ATG5: variants seen among roughly 807,000 people sequenced by gnomAD.
The protein encoded by ATG5 is autophagy related 5.
A neutral mutation model predicts 36.5 loss-of-function variants in ATG5; 14 were observed. The observed-to-expected ratio is 0.38, with a 90% CI of 0.25 to 0.60. ATG5 has a LOEUF of 0.60. Among genes scored for constraint, ATG5 ranks in the 20% least tolerant of loss-of-function variants. The pLI is 0.60. For missense variants in ATG5, 195 were observed against 326.7 expected (o/e 0.60, Z 3.11); for synonymous variants, 95 against 101.5 (o/e 0.94, Z 0.38).
At chr6:106,224,591 T>C (rs1777375075) in intron 6 of ATG5, among the ~76,000 whole-genome samples, 1 of 152,128 alleles carries the variant, frequency 6.6e-6, no homozygotes, top group African/African-American at 2.4e-5. Flanking sequence ...AGACCAGAAA[T>C]ACGGCCAGGT....
chr6:106,193,629 C>A (rs1021751544), intron 7 of ATG5, among the ~76,000 whole-genome samples: 3 of 152,082 alleles, frequency 2.0e-5, no homozygotes, highest in Non-Finnish European at 2.9e-5. Context: ...AAAAATTAAA[C>A]CTTGTTCATT....
chr6:106,275,468 T>C (rs1016748639), intron 5 of ATG5, among the ~76,000 whole-genome samples: 11 of 152,086 alleles, frequency 7.2e-5, no homozygotes, highest in Non-Finnish European at 5.9e-5. Flanking sequence ...TTCATAATCA[T>C]CACAAATAAA....
At chr6:106,256,260 A>G (rs1014232828) in intron 5 of ATG5, among the ~76,000 whole-genome samples, 4 of 152,332 alleles carry the variant, frequency 2.6e-5, no homozygotes, top group South Asian at 2.1e-4. Context: ...CCACTGACAA[A>G]TAACACAAGC....
At chr6:106,193,699 C>A (rs954424223) in intron 7 of ATG5, among the ~76,000 whole-genome samples, 3 of 151,788 alleles carry the variant, frequency 2.0e-5, no homozygotes, top group African/African-American at 7.3e-5. Context: ...ATAAAATGAC[C>A]CAGTAATTCT....
chr6:106,217,384 T>A (rs931778519), intron 6 of ATG5: 3 of 152,224 alleles, frequency 2.0e-5, no homozygotes, highest in Non-Finnish European at 4.4e-5. Context: ...ATACATAATT[T>A]CATTATAAGG....
intron 5 of ATG5, among the ~76,000 whole-genome samples, chr6:106,264,032 A>C (rs1779131412): frequency 6.6e-6 from 1 of 152,194 alleles, no homozygotes; most frequent in African/African-American, 2.4e-5. Flanking sequence ...AAGGTGGGTA[A>C]TAACAAACTC....
intron 2 of ATG5, among the ~76,000 whole-genome samples, 177 bp from the exon 3 acceptor site, chr6:106,308,668 A>G (rs534848895): frequency 6.6e-6 from 1 of 152,194 alleles, no homozygotes. Flanking sequence ...AGATGTTTTA[A>G]TATTTCTTAT....
intron 4 of ATG5, chr6:106,283,457 T>G (rs954515364): frequency 4.6e-5 from 7 of 152,172 alleles, no homozygotes; most frequent in African/African-American, 1.7e-4. Flanking sequence ...GTGCAGTGGC[T>G]ACTCACAGGT....
chr6:106,287,315 A>G (rs1342966417), intron 4 of ATG5, among the ~76,000 whole-genome samples: 2 of 152,260 alleles, frequency 1.3e-5, no homozygotes, highest in Non-Finnish European at 2.9e-5. Context: ...CAGTCACACA[A>G]AAATACTCAA....
At chr6:106,250,899 A>T (rs1778547788) in intron 5 of ATG5, among the ~76,000 whole-genome samples, 1 of 152,242 alleles carries the variant, frequency 6.6e-6, no homozygotes. Flanking sequence ...TCCTTTAAGC[A>T]TCTCTACTGC....
chr6:106,251,405 A>C (rs1778569831), intron 5 of ATG5, among the ~76,000 whole-genome samples: 1 of 151,488 alleles, frequency 6.6e-6, no homozygotes, highest in African/African-American at 2.4e-5. Flanking sequence ...TAAAATATAT[A>C]GTTTTCTTAT....
chr6:106,318,795 T>C (rs1770958227), intron 1 of ATG5, among the ~76,000 whole-genome samples: 1 of 152,220 alleles, frequency 6.6e-6, no homozygotes, highest in Admixed American at 6.5e-5. Flanking sequence ...GATCTTAAAA[T>C]GTTAATCTTT....
intron 4 of ATG5, among the ~76,000 whole-genome samples, chr6:106,283,088 G>A (rs956343397): frequency 1.3e-5 from 2 of 151,956 alleles, no homozygotes; most frequent in African/African-American, 4.8e-5. Flanking sequence ...ACTGCACCTG[G>A]CCTACACGGA....
At position 106,312,659 on chromosome 6, in the gene ATG5, CAT is replaced by C. The variant is rs1390348930; in HGVS notation, c.108+3440_108+3441del. Among the ~76,000 whole-genome samples, 5 of 142,300 alleles carry C rather than the reference CAT, an allele frequency of 3.5e-5. No individual in the cohort carries two copies. In the East Asian group the frequency reaches 8.6e-4, roughly 24 times the overall value. The allele number at this position is 142,300 out of a possible 152,430, so 93.4% of individuals were successfully genotyped here. A position where few individuals can be genotyped will look rare whatever the true frequency, so the allele number is the denominator to read the frequency against. Reference sequence around the variant, plus strand: ...ACACACACACACACACACACACACACATAAAAACCAGACAGGCAAAAGCAAAA... The same window carrying C: ...ACACACACACACACACACACACACACAAAAACCAGACAGGCAAAAGCAAAA... On this transcript the variant is annotated intron_variant, in intron 2 of 7. Coordinates refer to ENST00000369076, the MANE Select transcript of ATG5 (RefSeq NM_004849.4).
At chr6:106,298,351 T>C (rs145682406) in intron 3 of ATG5, among the ~76,000 whole-genome samples, 3 of 152,184 alleles carry the variant, frequency 2.0e-5, no homozygotes, top group Non-Finnish European at 2.9e-5. Flanking sequence ...TATTAAGAAT[T>C]AGGAGATAAA....
intron 1 of ATG5, among the ~76,000 whole-genome samples, chr6:106,320,790 C>A (rs545867385): frequency 7.2e-5 from 11 of 152,286 alleles, no homozygotes; most frequent in Admixed American, 2.0e-4. Flanking sequence ...GAATCTCAAT[C>A]TCATCCACCA....
At chr6:106,293,460 TG>T (rs1034223072) in intron 3 of ATG5, among the ~76,000 whole-genome samples, 26 of 152,362 alleles carry the variant, frequency 1.7e-4, no homozygotes, top group African/African-American at 6.0e-4. Flanking sequence ...TATTTAAATA[TG>T]TTTTTTACTT....
chr6:106,216,438 A>G (rs1167113088), intron 6 of ATG5, among the ~76,000 whole-genome samples: 1 of 152,268 alleles, frequency 6.6e-6, no homozygotes, highest in Non-Finnish European at 1.5e-5. Flanking sequence ...GTATTGATAC[A>G]TGCTACAAAA....
chr6:106,322,788 T>C (rs1422358286), intron 1 of ATG5, among the ~76,000 whole-genome samples: 2 of 152,222 alleles, frequency 1.3e-5, no homozygotes, highest in Non-Finnish European at 2.9e-5. Flanking sequence ...CACAGTTTTA[T>C]CTTCTGTCCA....
Sources: gnomAD v4.1 joint callset for allele counts (sites outside exome capture counted in the v4.1 genomes callset) on GRCh38, gnomAD v4.1.1 for gene constraint, MANE v1.5 for transcripts, NCBI Gene and HGNC (gene_info 2026-07-23, HGNC 2026-07-21) for gene names.